Variants in TF observed in about 807,000 individuals in gnomAD.
TF encodes transferrin.
A neutral mutation model predicts 82.4 loss-of-function variants in TF; 55 were observed. That is an observed-to-expected ratio of 0.67 (90% CI 0.54 to 0.84). The LOEUF is 0.84. TF is among the 40% of genes least tolerant of loss of function. The probability of loss-of-function intolerance (pLI) is 0.00; values close to 1 mark genes in which losing one functional copy is unlikely to be tolerated. For synonymous variants in TF, 332 were observed against 332.6 expected (o/e 1.00, Z 0.02); for missense variants, 737 against 868.4 (o/e 0.85, Z 1.90).
chr3:133,733,879 A>C, the TF span, among the ~76,000 whole-genome samples: 3 of 151,954 alleles, frequency 2.0e-5, no homozygotes, highest in Admixed American at 6.5e-5. Context: ...AAAAAAAAAA[A>C]AACATGTATT....
At chr3:133,704,408 T>G in the TF span, 3 of 186,030 alleles carry the variant, frequency 1.6e-5, no homozygotes, top group East Asian at 3.5e-4. Flanking sequence ...TAGTTTAGTG[T>G]TGAGATAATA....
At chr3:133,699,395 A>G in the TF span, 1 of 976,350 alleles carries the variant, frequency 1.0e-6, no homozygotes, top group Non-Finnish European at 1.5e-6. Context: ...CATCCTAACT[A>G]TGGCTCATGG....
upstream of TF, among the ~76,000 whole-genome samples, chr3:133,742,171 G>A (rs1218511774): frequency 3.3e-5 from 5 of 151,984 alleles, no homozygotes; most frequent in Non-Finnish European, 7.4e-5. Flanking sequence ...TTGTAGAGAC[G>A]AGTTCTCACT....
chr3:133,732,275 C>A, the TF span, among the ~76,000 whole-genome samples: 6 of 152,114 alleles, frequency 3.9e-5, no homozygotes, highest in Non-Finnish European at 8.8e-5. Flanking sequence ...ACTTGGAGAA[C>A]TTTTCTGTCT....
At position 133,790,750 on chromosome 3, in the gene TF, T is replaced by C. The variant is rs1440780086; in HGVS notation, c.*12130T>C. On this transcript the variant is annotated 3_prime_UTR_variant, in exon 17 of 17. Transcript: ENST00000402696. ...GCTTGCATTGCTTCACACTGTTTAC[T>C]GTTTTGTGTGGATAGTGCTGGCACT... 1 of 152,252 alleles carries C rather than the reference T, an allele frequency of 6.6e-6. No individual in the cohort carries two copies. Among genetic ancestry groups the C allele is most frequent in the Non-Finnish European group, 1.5e-5 (1 of 68,036 alleles). 9.4% of individuals were successfully genotyped at this position (152,252 alleles called of 1,614,324 possible).
chr3:133,763,748 A>G, intron 9 of TF, among the ~76,000 whole-genome samples: 1 of 152,244 alleles, frequency 6.6e-6, no homozygotes, highest in East Asian at 1.9e-4. Flanking sequence ...CGGAAATAGC[A>G]CTCAGCCAAG....
intron 2 of TF, among the ~76,000 whole-genome samples, chr3:133,750,445 C>T (rs899964217): frequency 5.5e-5 from 5 of 91,456 alleles, no homozygotes; most frequent in South Asian, 4.9e-4. Context: ...CCTCAATCCC[C>T]GCGCTGGGGT....
chr3:133,730,941 C>A, the TF span, among the ~76,000 whole-genome samples: 3 of 152,156 alleles, frequency 2.0e-5, no homozygotes, highest in African/African-American at 7.2e-5. Context: ...ATACACTTTA[C>A]ATATATGTAC....
At chr3:133,763,738 C>T (rs1005536322) in intron 9 of TF, among the ~76,000 whole-genome samples, 12 of 152,196 alleles carry the variant, frequency 7.9e-5, no homozygotes, top group African/African-American at 2.4e-4. Context: ...GCACCAAACA[C>T]GGAAATAGCA....
intron 2 of TF, among the ~76,000 whole-genome samples, chr3:133,753,281 G>A (rs1933727417): frequency 6.6e-6 from 1 of 152,230 alleles, no homozygotes; most frequent in African/African-American, 2.4e-5. Flanking sequence ...CTCCCACGGA[G>A]CCTGCCAGGT....
chr3:133,775,970 G>A (rs537378545), intron 15 of TF, among the ~76,000 whole-genome samples: 15 of 152,250 alleles, frequency 9.9e-5, no homozygotes, highest in Middle Eastern at 3.4e-3. Context: ...CCTATAGGAC[G>A]TGCTCAAAAT....
chr3:133,662,192 A>G, the TF span: 1 of 152,268 alleles, frequency 6.6e-6, no homozygotes, highest in African/African-American at 2.4e-5. Flanking sequence ...TTACTGTTAA[A>G]AAAGCCAGGG....
At chr3:133,699,746 C>A in the TF span, 1 of 382,396 alleles carries the variant, frequency 2.6e-6, no homozygotes. Flanking sequence ...CAGTGGGAGC[C>A]ATGCCACATG....
chr3:133,718,509 G>A, the TF span, among the ~76,000 whole-genome samples: 2 of 152,158 alleles, frequency 1.3e-5, no homozygotes, highest in East Asian at 3.9e-4. Flanking sequence ...TGAATGTTGT[G>A]GGGTAGGGGG....
intron 2 of TF, among the ~76,000 whole-genome samples, chr3:133,751,316 T>A (rs1383569783): frequency 6.9e-6 from 1 of 144,842 alleles, no homozygotes; most frequent in African/African-American, 2.6e-5. Flanking sequence ...CACTGCAAGC[T>A]CCGCCTCCCG....
the TF span, among the ~76,000 whole-genome samples, chr3:133,685,754 C>T: frequency 3.9e-5 from 6 of 152,250 alleles, no homozygotes; most frequent in South Asian, 4.2e-4. Flanking sequence ...GAATCAATTT[C>T]GTGAAAATGG....
chr3:133,751,898 G>A (rs1276362091), intron 2 of TF, among the ~76,000 whole-genome samples: 2 of 152,030 alleles, frequency 1.3e-5, no homozygotes, highest in Non-Finnish European at 2.9e-5. Flanking sequence ...GGAGGCAGAG[G>A]CAGGAGAATC....
upstream of TF, among the ~76,000 whole-genome samples, chr3:133,743,963 T>C (rs16840812): frequency 0.17 from 25,591 of 152,250 alleles, 2,280 homozygotes; most frequent in East Asian, 0.29. Flanking sequence ...TGTTGTCCTC[T>C]TGAGCAAAAG....
the TF span, among the ~76,000 whole-genome samples, chr3:133,680,138 T>G: frequency 7.9e-5 from 12 of 152,192 alleles, no homozygotes; most frequent in Non-Finnish European, 1.6e-4. Flanking sequence ...TGTGAAATTT[T>G]TCTCCATTTT....
Sources: gnomAD v4.1 joint callset for allele counts (sites outside exome capture counted in the v4.1 genomes callset) on GRCh38, gnomAD v4.1.1 for gene constraint, MANE v1.5 for transcripts, NCBI Gene and HGNC (gene_info 2026-07-23, HGNC 2026-07-21) for gene names.